The following RRM2 variants were observed in gnomAD, a reference collection of about 807,000 sequenced individuals.
RRM2 encodes ribonucleoside-diphosphate reductase subunit M2.
A neutral mutation model predicts 45.9 loss-of-function variants in RRM2; 6 were observed. The ratio of observed to expected loss-of-function variants is 0.13; its 90% confidence interval spans 0.07 to 0.26. The LOEUF is 0.26. Among genes scored for constraint, RRM2 ranks in the 10% least tolerant of loss-of-function variants. The probability of loss-of-function intolerance (pLI) is 1.00; values close to 1 mark genes in which losing one functional copy is unlikely to be tolerated. For missense variants in RRM2, 343 were observed against 489.5 expected, an observed-to-expected ratio of 0.70 and a Z score of 2.82; for synonymous variants, 177 against 173.0, an observed-to-expected ratio of 1.02 and a Z score of -0.18.
At chr2:10,122,690 G>A (rs72542785), upstream of RRM2, 7 of 1,550,788 alleles carry the variant, frequency 4.5e-6, no homozygotes, top group South Asian at 8.3e-5. Flanking sequence ...GAAGGGCCGG[G>A]AGCGCGCGGC....
At chr2:10,141,943 AC>A in exon 2 of RRM2, 3 of 1,576,238 alleles carry the variant, frequency 1.9e-6, no homozygotes, top group East Asian at 2.3e-5. Context: ...CCAATCACCC[AC>A]CCAGTGTGCG....
intron 3 of RRM2, among the ~76,000 whole-genome samples, chr2:10,181,754 C>CTTTTT (rs869117515): frequency 8.7e-5 from 5 of 57,260 alleles, no homozygotes; most frequent in Non-Finnish European, 1.5e-4. Flanking sequence ...CTCTCTCTCT[C>CTTTTT]TTTTTTTTTT....
At chr2:10,159,536 C>T (rs935878650) in intron 3 of RRM2, among the ~76,000 whole-genome samples, 4 of 152,170 alleles carry the variant, frequency 2.6e-5, no homozygotes, top group South Asian at 2.1e-4. Flanking sequence ...TTCCACGAGG[C>T]CCTCACAGAA....
intron 3 of RRM2, among the ~76,000 whole-genome samples, chr2:10,187,729 C>A (rs1315470190): frequency 7.9e-5 from 12 of 152,236 alleles, no homozygotes; most frequent in Admixed American, 7.9e-4. Context: ...CGGGCTGAGC[C>A]ACACCACAGC....
intron 3 of RRM2, among the ~76,000 whole-genome samples, chr2:10,199,607 C>T (rs954645528): frequency 6.6e-6 from 1 of 151,632 alleles, no homozygotes; most frequent in Admixed American, 6.6e-5. Flanking sequence ...CAGTGAAACC[C>T]CGTCTCTACT....
At chr2:10,201,148 C>CA (rs146526701) in intron 3 of RRM2, among the ~76,000 whole-genome samples, 33,133 of 120,736 alleles carry the variant, frequency 0.27, 4,762 homozygotes, top group Admixed American at 0.35. Flanking sequence ...GATTCCATCT[C>CA]AAAAAAAAAA....
At position 10,195,861 on chromosome 2, in the gene RRM2, A is replaced by G. The variant is rs1391519364; in HGVS notation, n.483-14450A>G. Among the ~76,000 whole-genome samples the G allele has an allele frequency of 6.6e-6, 1 of 151,972 alleles. No homozygotes were observed. Among genetic ancestry groups the G allele is most frequent in the East Asian group, 1.9e-4 (1 of 5,160 alleles). ...CGTGCTAAGGAGGCTCTGGAAAAGA[A>G]TTTTCCTGCTTGGACAAGACAGAGA... On this transcript the variant is annotated intron_variant and non_coding_transcript_variant, in intron 3 of 3. Coordinates refer to the RRM2 transcript ENST00000381786. The surrounding 1 kb of genome is among the most constrained non-coding windows in gnomAD (Gnocchi z 4.9).
intron 3 of RRM2, among the ~76,000 whole-genome samples, chr2:10,173,707 G>A (rs1270432684): frequency 6.6e-6 from 1 of 152,222 alleles, no homozygotes; most frequent in Non-Finnish European, 1.5e-5. Context: ...GGCTTCTGAT[G>A]GCCACAAGGC....
chr2:10,124,089 G>A (rs1662730175), intron 4 of RRM2: 2 of 493,770 alleles, frequency 4.1e-6, no homozygotes, highest in East Asian at 3.8e-5. Context: ...ACTCTTTGTG[G>A]CCACCACATC....
chr2:10,179,778 A>G (rs1351173130), intron 3 of RRM2, among the ~76,000 whole-genome samples: 1 of 152,230 alleles, frequency 6.6e-6, no homozygotes, highest in Non-Finnish European at 1.5e-5. Context: ...CCTGAGTTGA[A>G]CCATCATAAG....
chr2:10,124,325 C>T (rs1274534334), intron 4 of RRM2, among the ~76,000 whole-genome samples: 1 of 152,156 alleles, frequency 6.6e-6, no homozygotes, highest in African/African-American at 2.4e-5. Context: ...AGGCTGGTCT[C>T]GAACTGCTGA....
chr2:10,126,763 G>T (rs1572488497), intron 5 of RRM2, 112 bp from the exon 6 acceptor site: 2 of 750,974 alleles, frequency 2.7e-6, no homozygotes, highest in East Asian at 2.5e-5. Flanking sequence ...TTAGGAAGAG[G>T]ATTGGCAAAT....
At chr2:10,147,707 AGT>A (rs1319299588) in intron 3 of RRM2, among the ~76,000 whole-genome samples, 2 of 152,354 alleles carry the variant, frequency 1.3e-5, no homozygotes, top group Admixed American at 1.3e-4. Flanking sequence ...ACTTATGAAA[AGT>A]GTGTATTTTC....
rs200103109 is a variant in RRM2, at chr2:10,197,606, AG to A, written n.483-12699del. On this transcript the variant is annotated intron_variant and non_coding_transcript_variant, in intron 3 of 3. Coordinates refer to the RRM2 transcript ENST00000381786. ...GCGGGCACACCTGCAGGCTAGGAGT[AG>A]GGGGGCTGGGCGGTGGGCCCAGGGG... 5.8e-3 allele frequency among the ~76,000 whole-genome samples: 866 copies of A among 150,020 alleles called. 2 individuals carry two copies. The highest frequency in any genetic ancestry group is 9.2e-3 in the Non-Finnish European group (623 of 67,558).
At position 10,195,509 on chromosome 2, in the gene RRM2, G is replaced by A. The variant is rs1224602530; in HGVS notation, n.483-14802G>A. 1.3e-5 allele frequency among the ~76,000 whole-genome samples: 2 copies of A among 152,236 alleles called. No individual in the cohort carries two copies. The highest frequency in any genetic ancestry group is 4.8e-5 in the African/African-American group (2 of 41,466). On this transcript the variant is annotated intron_variant and non_coding_transcript_variant, in intron 3 of 3. Transcript: ENST00000381786. The surrounding 1 kb of genome is among the most constrained non-coding windows in gnomAD (Gnocchi z 4.9). ...CCAGCCCTGCAGTCAGGCAGTAGGT[G>A]AGCCCTGAAGGGTGAGGTTGCTTCA...
chr2:10,142,385 G>T (rs755280299), intron 3 of RRM2: 3 of 1,369,876 alleles, frequency 2.2e-6, no homozygotes, highest in Non-Finnish European at 2.9e-6. Flanking sequence ...GGTGAGAAAT[G>T]ATGGCAACTC....
intron 5 of RRM2, 69 bp downstream of exon 5, chr2:10,124,919 T>G (rs1489814436): frequency 4.2e-6 from 6 of 1,431,036 alleles, no homozygotes; most frequent in Non-Finnish European, 5.8e-6. Flanking sequence ...ACATTTTTAG[T>G]TCACCTAGGG....
intron 3 of RRM2, among the ~76,000 whole-genome samples, chr2:10,158,811 G>A (rs1432128226): frequency 6.6e-6 from 1 of 151,798 alleles, no homozygotes. Flanking sequence ...GAACAGCTGG[G>A]TGCTTCCGAG....
rs1043903578 is a variant in RRM2 at position 10,205,724 on chromosome 2, C to G, written n.483-4587C>G. 6.6e-6 allele frequency among the ~76,000 whole-genome samples: 1 copy of G among 151,942 alleles called. No individual in the cohort carries two copies. The highest frequency in any genetic ancestry group is 2.1e-4 in the South Asian group (1 of 4,828). ...TTTATTTTTTTGAGATGGAGTCTTG[C>G]TGTGTCACCCAGGCTGGAGTGCAAT... On this transcript the variant is annotated intron_variant and non_coding_transcript_variant, in intron 3 of 3. Coordinates refer to the RRM2 transcript ENST00000381786. The surrounding 1 kb of genome is among the most constrained non-coding windows in gnomAD (Gnocchi z 4.8).
Sources: allele counts gnomAD v4.1 joint callset (sites outside exome capture counted in the v4.1 genomes callset), GRCh38; gene constraint gnomAD v4.1.1; non-coding constraint Gnocchi (gnomAD v3.1); transcripts MANE v1.5; gene names NCBI Gene and HGNC (gene_info 2026-07-23, HGNC 2026-07-21).